Variants in PPP2R2B observed in about 807,000 individuals in gnomAD.
The protein encoded by PPP2R2B is serine/threonine-protein phosphatase 2A 55 kDa regulatory subunit B beta isoform.
PPP2R2B carries 5 observed loss-of-function variants against 46.0 expected under a neutral mutation model. The observed-to-expected ratio is 0.11, with a 90% CI of 0.06 to 0.23. The LOEUF (loss-of-function observed/expected upper bound fraction) is 0.23. Among genes scored for constraint, PPP2R2B ranks in the 10% least tolerant of loss-of-function variants. The pLI is 1.00. For missense variants in PPP2R2B, 367 were observed against 575.0 expected, an observed-to-expected ratio of 0.64 and a Z score of 3.70; for synonymous variants, 215 against 206.7, an observed-to-expected ratio of 1.04 and a Z score of -0.34.
chr5:146,916,296 T>G (rs1261089902), intron 1 of PPP2R2B, among the ~76,000 whole-genome samples: 1 of 151,500 alleles, frequency 6.6e-6, no homozygotes, highest in Non-Finnish European at 1.5e-5. Context: ...TACCACCGTT[T>G]TTTTTTTTTT....
intron 8 of PPP2R2B, among the ~76,000 whole-genome samples, chr5:146,595,086 T>C (rs913284508): frequency 6.6e-6 from 1 of 152,180 alleles, no homozygotes; most frequent in African/African-American, 2.4e-5. Context: ...ACTCTGCAAA[T>C]TAATTTTCCC....
At chr5:147,054,425 T>C (rs1756975517) in intron 1 of PPP2R2B, among the ~76,000 whole-genome samples, 1 of 152,144 alleles carries the variant, frequency 6.6e-6, no homozygotes, top group African/African-American at 2.4e-5. Context: ...AAGAAAAGAT[T>C]TCTCAGTGGA....
intron 1 of PPP2R2B, among the ~76,000 whole-genome samples, chr5:146,907,901 G>C (rs1763053590): frequency 6.6e-6 from 1 of 152,006 alleles, no homozygotes; most frequent in South Asian, 2.1e-4. Context: ...TTTCAAACTG[G>C]CTGATCAAAT....
intron 2 of PPP2R2B, among the ~76,000 whole-genome samples, chr5:146,731,190 G>A (rs1306001045): frequency 6.6e-6 from 1 of 152,208 alleles, no homozygotes; most frequent in East Asian, 1.9e-4. Flanking sequence ...CCTGACAGGA[G>A]ACTGCACTCC....
chr5:146,748,600 C>G (rs1366483949), intron 2 of PPP2R2B, among the ~76,000 whole-genome samples: 1 of 152,150 alleles, frequency 6.6e-6, no homozygotes. Context: ...TAGTGGTCAC[C>G]TGGGGTTAAG....
At chr5:147,015,189 A>G (rs1754944430) in intron 1 of PPP2R2B, among the ~76,000 whole-genome samples, 1 of 151,866 alleles carries the variant, frequency 6.6e-6, no homozygotes, top group South Asian at 2.1e-4. Context: ...AATGTTCATC[A>G]GATGAATGAC....
chr5:146,759,715 T>C lies in PPP2R2B; in HGVS notation c.71-58573A>G, dbSNP rs112330766. Among the ~76,000 whole-genome samples, 644 of 152,096 alleles carry C rather than the reference T, an allele frequency of 4.2e-3. 3 individuals carry two copies. Among genetic ancestry groups the C allele is most frequent in the African/African-American group, 0.015 (604 of 41,504 alleles). ...TTCATAATAACATATATTAATGAAGTGTCCATATGGGTGGGTCTGACTGGC... is the reference window on the plus strand; with the variant it reads ...TTCATAATAACATATATTAATGAAGCGTCCATATGGGTGGGTCTGACTGGC... On this transcript the variant is annotated intron_variant, in intron 2 of 9. Coordinates refer to ENST00000394411, the MANE Select transcript of PPP2R2B (RefSeq NM_181675.4).
At chr5:146,815,338 A>G (rs1757866463) in intron 2 of PPP2R2B, among the ~76,000 whole-genome samples, 1 of 152,220 alleles carries the variant, frequency 6.6e-6, no homozygotes, top group South Asian at 2.1e-4. Context: ...TATTCATTCA[A>G]CACTCCTGCA....
At chr5:146,686,456 G>A (rs1778506187) in intron 5 of PPP2R2B, among the ~76,000 whole-genome samples, 1 of 152,142 alleles carries the variant, frequency 6.6e-6, no homozygotes, top group Admixed American at 6.5e-5. Context: ...ATGATCTGGA[G>A]AGAAAAATAG....
At chr5:147,069,801 T>TTC (rs1561611959) in intron 2 of PPP2R2B, among the ~76,000 whole-genome samples, 30 of 131,616 alleles carry the variant, frequency 2.3e-4, no homozygotes, top group African/African-American at 9.4e-4. Context: ...TTTTTTTTTT[T>TTC]TTTTTTTGAG....
At chr5:146,689,858 G>A (rs779093473) in intron 5 of PPP2R2B, among the ~76,000 whole-genome samples, 8 of 152,302 alleles carry the variant, frequency 5.3e-5, no homozygotes, top group South Asian at 2.1e-4. Context: ...AAACAGAGTC[G>A]CCAATGCTTG....
Position 146,979,013 on chromosome 5 carries a change from T to C in PPP2R2B, c.79+76652A>G, listed in dbSNP as rs146104574. Among the ~76,000 whole-genome samples, 8 of 152,348 alleles carry C rather than the reference T, an allele frequency of 5.3e-5. No individual in the cohort carries two copies. The East Asian group carries it at 1.5e-3, about 29-fold the overall frequency. On this transcript the variant is annotated intron_variant, in intron 1 of 8. Coordinates refer to the PPP2R2B transcript ENST00000336640. ...CTCCAAACTTTCCAATAGTTCTCCA[T>C]TTCACCTGGAGGAAAAGCTGATGTA...
chr5:146,688,606 C>T (rs892502412), intron 5 of PPP2R2B, among the ~76,000 whole-genome samples: 3 of 152,096 alleles, frequency 2.0e-5, no homozygotes, highest in Non-Finnish European at 4.4e-5. Flanking sequence ...CCCAGCCACA[C>T]CTCAGGGCCT....
At chr5:146,903,866 C>T (rs1762917424) in intron 1 of PPP2R2B, among the ~76,000 whole-genome samples, 2 of 152,130 alleles carry the variant, frequency 1.3e-5, no homozygotes, top group Admixed American at 6.5e-5. Context: ...ATTGACCTTA[C>T]AGGGTAATAT....
At chr5:146,790,696 CT>C (rs745726336) in intron 2 of PPP2R2B, among the ~76,000 whole-genome samples, 2 of 152,236 alleles carry the variant, frequency 1.3e-5, no homozygotes, top group Non-Finnish European at 2.9e-5. Context: ...ATAAATCCAC[CT>C]GTGATAAACC....
At chr5:146,596,180 G>A (rs1771153109) in intron 8 of PPP2R2B, among the ~76,000 whole-genome samples, 2 of 152,168 alleles carry the variant, frequency 1.3e-5, no homozygotes, top group Non-Finnish European at 2.9e-5. Context: ...ACAAATAGGG[G>A]GCTGGTTTGG....
At chr5:146,643,123 G>A (rs539995655) in intron 6 of PPP2R2B, among the ~76,000 whole-genome samples, 1 of 152,190 alleles carries the variant, frequency 6.6e-6, no homozygotes, top group South Asian at 2.1e-4. Context: ...GGTAAGGAAA[G>A]TTAGGTACAA....
At chr5:146,938,812 G>A (rs1764236491) in intron 1 of PPP2R2B, among the ~76,000 whole-genome samples, 1 of 126,404 alleles carries the variant, frequency 7.9e-6, no homozygotes, top group Non-Finnish European at 1.6e-5. Flanking sequence ...TGTCCAGGAT[G>A]GAGTGATGGA....
intron 1 of PPP2R2B, among the ~76,000 whole-genome samples, chr5:146,917,473 T>A (rs1270070136): frequency 2.6e-5 from 4 of 152,222 alleles, no homozygotes; most frequent in Non-Finnish European, 5.9e-5. Flanking sequence ...AAAATGTTTA[T>A]TCTGCTCATT....
Sources: gnomAD v4.1 joint callset for allele counts (sites outside exome capture counted in the v4.1 genomes callset) on GRCh38, gnomAD v4.1.1 for gene constraint, MANE v1.5 for transcripts, NCBI Gene and HGNC (gene_info 2026-07-23, HGNC 2026-07-21) for gene names.